Variants in PRDM16 observed in about 807,000 individuals in gnomAD.
The protein encoded by PRDM16 is histone-lysine N-methyltransferase PRDM16.
In PRDM16, 23 loss-of-function variants were observed where a neutral mutation model predicts 110.6. That is an observed-to-expected ratio of 0.21 (90% CI 0.15 to 0.29). PRDM16 has a LOEUF of 0.29. Ranked by LOEUF, PRDM16 falls within the 10% of genes least tolerant of loss-of-function variation. PRDM16 has a pLI of 1.00. For synonymous variants in PRDM16, 799 were observed against 781.8 expected (o/e 1.02, Z -0.37); for missense variants, 1,615 against 1,794.3 (o/e 0.90, Z 1.81).
chr1:3,277,010 G>A (rs1363570895), intron 3 of PRDM16, among the ~76,000 whole-genome samples: 3 of 152,096 alleles, frequency 2.0e-5, no homozygotes, highest in Admixed American at 6.6e-5. Context: ...TGATCATCTC[G>A]GTGGCCACAG....
chr1:3,295,705 A>G (rs1195661200), intron 3 of PRDM16, among the ~76,000 whole-genome samples: 5 of 152,018 alleles, frequency 3.3e-5, no homozygotes, highest in Non-Finnish European at 7.4e-5. Context: ...AGTCTGGGGG[A>G]AGCTCCGTTG....
At chr1:3,222,970 A>G (rs1639205668) in intron 2 of PRDM16, among the ~76,000 whole-genome samples, 2 of 152,090 alleles carry the variant, frequency 1.3e-5, no homozygotes, top group East Asian at 3.9e-4. Context: ...GGATCGGTCA[A>G]GACATCCCCA....
intron 3 of PRDM16, among the ~76,000 whole-genome samples, chr1:3,276,473 T>C (rs1569976345): frequency 6.6e-6 from 1 of 152,214 alleles, no homozygotes; most frequent in Non-Finnish European, 1.5e-5. Flanking sequence ...GAGCCTCTCA[T>C]ACCTACATGA....
chr1:3,169,997 C>T (rs965548304), intron 1 of PRDM16, among the ~76,000 whole-genome samples: 4 of 152,248 alleles, frequency 2.6e-5, no homozygotes, highest in African/African-American at 9.6e-5. Flanking sequence ...AAAATCATTT[C>T]GACAAGTCAA....
intron 1 of PRDM16, among the ~76,000 whole-genome samples, chr1:3,181,423 C>T (rs971055268): frequency 3.3e-5 from 1 of 30,236 alleles, no homozygotes; most frequent in African/African-American, 7.1e-5. Flanking sequence ...GTCTTACACA[C>T]GCGGTCTTAC....
intron 1 of PRDM16, among the ~76,000 whole-genome samples, chr1:3,152,364 CCA>C (rs1491454175): frequency 6.7e-6 from 1 of 148,456 alleles, no homozygotes; most frequent in Non-Finnish European, 1.5e-5. Context: ...ATCCATCCAT[CCA>C]TCCATCCATC....
In PRDM16 at chr1:3,209,690, C is replaced by T. The variant is rs768369994; in HGVS notation, c.387+23216C>T. On this transcript the variant is annotated intron_variant, in intron 2 of 16. Coordinates refer to ENST00000270722, the MANE Select transcript of PRDM16 (RefSeq NM_022114.4). The surrounding 1 kb of genome is among the most constrained non-coding windows in gnomAD (Gnocchi z 4.6). ...GCTTCTGGAGAGGTTTAGTTGTCAA[C>T]GGCCACCAGGAACCACAGCCCTCCC... Among the ~76,000 whole-genome samples the T allele has an allele frequency of 1.3e-4, 20 of 152,196 alleles. No homozygotes were observed. The highest frequency in any genetic ancestry group is 4.1e-4 in the South Asian group (2 of 4,834).
intron 3 of PRDM16, chr1:3,306,748 G>A (rs2100403981): frequency 6.6e-6 from 1 of 152,292 alleles, no homozygotes; most frequent in East Asian, 1.9e-4. Flanking sequence ...CCACAGACTT[G>A]TGCAACCATC....
chr1:3,329,344 T>C (rs1641993752), intron 3 of PRDM16, among the ~76,000 whole-genome samples: 1 of 152,050 alleles, frequency 6.6e-6, no homozygotes, highest in Non-Finnish European at 1.5e-5. Context: ...AGCATCCGGG[T>C]AGGACCCCTC....
chr1:3,431,905 A>C, intron 15 of PRDM16, 61 bp from the exon 16 acceptor site: 1 of 1,558,434 alleles, frequency 6.4e-7, no homozygotes, highest in South Asian at 1.2e-5. Context: ...GCAGCATCAG[A>C]GAGGCGGCCA....
At chr1:3,366,481 C>T (rs1642818656) in intron 3 of PRDM16, among the ~76,000 whole-genome samples, 2 of 152,206 alleles carry the variant, frequency 1.3e-5, no homozygotes, top group African/African-American at 2.4e-5. Context: ...GGCTGTGCAG[C>T]GGGCCTCCCA....
At chr1:3,158,667 C>T (rs1008461002) in intron 1 of PRDM16, among the ~76,000 whole-genome samples, 1 of 151,552 alleles carries the variant, frequency 6.6e-6, no homozygotes, top group African/African-American at 2.4e-5. Flanking sequence ...TCTTTTTTCT[C>T]TCTTTCTTTC....
At chr1:3,342,464 G>A (rs1297762790) in intron 3 of PRDM16, among the ~76,000 whole-genome samples, 1 of 152,198 alleles carries the variant, frequency 6.6e-6, no homozygotes, top group Non-Finnish European at 1.5e-5. Flanking sequence ...AGAATAGGAA[G>A]TGACAGAGGT....
chr1:3,169,208 C>G lies in PRDM16; in HGVS notation c.38-16917C>G, dbSNP rs188454574. Among the ~76,000 whole-genome samples the G allele has an allele frequency of 8.4e-3, 1,281 of 152,270 alleles. 6 individuals carry two copies. The highest frequency in any genetic ancestry group is 0.013 in the Non-Finnish European group (894 of 68,012). ...GTATTGTGTGGATTTTCTACTGTTT[C>G]TTTTCAACAAAACCCATGGTTTGGA... On this transcript the variant is annotated intron_variant, in intron 1 of 16. Coordinates refer to ENST00000270722, the MANE Select transcript of PRDM16 (RefSeq NM_022114.4).
intron 3 of PRDM16, among the ~76,000 whole-genome samples, chr1:3,326,807 G>A (rs984503833): frequency 8.5e-5 from 13 of 152,236 alleles, no homozygotes; most frequent in Admixed American, 2.0e-4. Context: ...CTGACAGCAG[G>A]GGGAGGCCGC....
At chr1:3,128,509 G>A (rs999215736) in intron 1 of PRDM16, among the ~76,000 whole-genome samples, 2 of 152,222 alleles carry the variant, frequency 1.3e-5, no homozygotes, top group African/African-American at 4.8e-5. Context: ...CCCTGGGGTG[G>A]CTCCACAGTG....
Position 3,314,071 on chromosome 1 carries a change from C to CGGGGGGT in PRDM16, c.438+69940_438+69941insTGGGGGG, listed in dbSNP as rs1553161915. On this transcript the variant is annotated intron_variant, in intron 3 of 16. Coordinates refer to ENST00000270722, the MANE Select transcript of PRDM16 (RefSeq NM_022114.4). ...GCCCCCGAATGCCGTCCTTCCCCAC[C>CGGGGGGT]GGGGGGGGGGGCGGGAACATAAAAT... Among the ~76,000 whole-genome samples the CGGGGGGT allele has an allele frequency of 1.3e-4, 13 of 100,664 alleles. 3 individuals carry two copies. Among genetic ancestry groups the CGGGGGGT allele is most frequent in the African/African-American group, 7.9e-4 (13 of 16,362 alleles). 66.0% of individuals were successfully genotyped at this position (100,664 alleles called of 152,430 possible).
chr1:3,374,936 C>T (rs935760779), intron 3 of PRDM16, among the ~76,000 whole-genome samples: 1 of 152,232 alleles, frequency 6.6e-6, no homozygotes, highest in African/African-American at 2.4e-5. Flanking sequence ...CACAGGCACA[C>T]AGCAGAGAAC....
rs1043747428 is a variant in PRDM16, at chr1:3,417,915, C to T, written c.2779C>T (p.His927Tyr). ...DSGSSLQPLP[H>Y]HPFNFRSPPP... Reference sequence around the variant, plus strand: ...GGGCAGCTCCCTGCAGCCCCTCCCCCACCACCCCTTCAACTTCCGGTCCCC... The same window carrying T: ...GGGCAGCTCCCTGCAGCCCCTCCCCTACCACCCCTTCAACTTCCGGTCCCC... The change falls in exon 11 of 17, where the codon CAC becomes TAC. Residue 927 changes from histidine (H) to tyrosine (Y), a missense_variant. His to Tyr is a moderately conservative substitution (Grantham distance 83). Coordinates refer to ENST00000270722, the MANE Select transcript of PRDM16 (RefSeq NM_022114.4). 1.2e-6 allele frequency: 2 copies of T among 1,612,384 alleles called. No individual in the cohort carries two copies. The highest frequency in any genetic ancestry group is 1.7e-6 in the Non-Finnish European group (2 of 1,178,860).
Sources: gnomAD v4.1 joint callset for allele counts (sites outside exome capture counted in the v4.1 genomes callset) on GRCh38, gnomAD v4.1.1 for gene constraint, Gnocchi (gnomAD v3.1) non-coding constraint, MANE v1.5 for transcripts, NCBI Gene and HGNC (gene_info 2026-07-23, HGNC 2026-07-21) for gene names.